The following NYAP2 variants were observed in gnomAD, a reference collection of about 807,000 sequenced individuals.
NYAP2 encodes the protein neuronal tyrosine-phosphorylated phosphoinositide-3-kinase adapter 2.
Under a neutral mutation model 50.4 loss-of-function variants are expected in NYAP2, and 23 were observed. That is an observed-to-expected ratio of 0.46 (90% confidence interval 0.33 to 0.65). The LOEUF (loss-of-function observed/expected upper bound fraction) is 0.65, where lower values mean the gene tolerates loss of function less well. NYAP2 is among the 30% of genes least tolerant of loss of function. The pLI is 0.02. For missense variants in NYAP2, 885 were observed against 861.0 expected, an observed-to-expected ratio of 1.03 and a Z score of -0.35; for synonymous variants, 394 against 365.2, an observed-to-expected ratio of 1.08 and a Z score of -0.90.
chr2:225,672,293 C>T, the NYAP2 span, among the ~76,000 whole-genome samples: 2 of 152,150 alleles, frequency 1.3e-5, no homozygotes, highest in Non-Finnish European at 2.9e-5. Context: ...CTTCACCTTA[C>T]ACTTTTATGT....
At chr2:225,654,215 C>A (rs1225988104), downstream of NYAP2, among the ~76,000 whole-genome samples, 1 of 151,988 alleles carries the variant, frequency 6.6e-6, no homozygotes, top group East Asian at 1.9e-4. Context: ...ACTACTCATA[C>A]CTAAACAAGG....
At chr2:225,554,120 C>T (rs1236837816) in intron 4 of NYAP2, among the ~76,000 whole-genome samples, 1 of 151,968 alleles carries the variant, frequency 6.6e-6, no homozygotes, top group Non-Finnish European at 1.5e-5. Context: ...AATCCTTTTA[C>T]ATACCAGTAT....
chr2:225,649,807 A>G (rs1314868062), intron 6 of NYAP2, among the ~76,000 whole-genome samples: 1 of 152,234 alleles, frequency 6.6e-6, no homozygotes, highest in African/African-American at 2.4e-5. Context: ...CGAATGTTGA[A>G]TAAGTGACTA....
chr2:225,448,893 G>T (rs1300994787), intron 3 of NYAP2, among the ~76,000 whole-genome samples: 2 of 152,146 alleles, frequency 1.3e-5, no homozygotes, highest in Non-Finnish European at 2.9e-5. Flanking sequence ...TGTATATTCA[G>T]ATCTGCACCA....
At chr2:225,575,846 T>TA (rs1401119567) in intron 4 of NYAP2, among the ~76,000 whole-genome samples, 9 of 152,224 alleles carry the variant, frequency 5.9e-5, no homozygotes. Flanking sequence ...TCATGACCTA[T>TA]AAGAAATGTG....
chr2:225,594,460 TCA>T (rs928406669), intron 5 of NYAP2, among the ~76,000 whole-genome samples: 4 of 151,724 alleles, frequency 2.6e-5, no homozygotes, highest in Non-Finnish European at 5.9e-5. Flanking sequence ...GGGGCAGAGG[TCA>T]CAGTGAGCCG....
chr2:225,464,567 A>C (rs1559187000), intron 3 of NYAP2, among the ~76,000 whole-genome samples: 1 of 152,208 alleles, frequency 6.6e-6, no homozygotes, highest in Non-Finnish European at 1.5e-5. Flanking sequence ...GAGCCTGCTC[A>C]CTTCCCGGCC....
chr2:225,515,468 C>CGT (rs1690912604), intron 4 of NYAP2, among the ~76,000 whole-genome samples: 1 of 148,480 alleles, frequency 6.7e-6, no homozygotes, highest in Non-Finnish European at 1.5e-5. Flanking sequence ...AATGAACATT[C>CGT]ATGTGTGTGT....
chr2:225,405,001 C>G (rs1280092385), intron 2 of NYAP2, among the ~76,000 whole-genome samples: 1 of 152,018 alleles, frequency 6.6e-6, no homozygotes, highest in African/African-American at 2.4e-5. Context: ...TGTTGCACTA[C>G]TTGTATCAAC....
chr2:225,620,880 C>T (rs1244525498), intron 5 of NYAP2, among the ~76,000 whole-genome samples: 1 of 152,054 alleles, frequency 6.6e-6, no homozygotes, highest in East Asian at 1.9e-4. Flanking sequence ...CTTTGGGAGG[C>T]CAAGGTGGGT....
chr2:225,590,155 C>T (rs998136859), intron 5 of NYAP2, among the ~76,000 whole-genome samples: 4 of 152,180 alleles, frequency 2.6e-5, no homozygotes, highest in African/African-American at 9.7e-5. Context: ...AACCCCTTTT[C>T]GGGTCTCCTG....
intron 3 of NYAP2, among the ~76,000 whole-genome samples, chr2:225,410,660 G>C (rs1695022991): frequency 6.6e-6 from 1 of 151,924 alleles, no homozygotes; most frequent in South Asian, 2.1e-4. Context: ...CATTCCATTA[G>C]CTTTTACAGA....
rs143012901 is a variant in NYAP2, at chr2:225,570,338, T to C, written c.524-11603T>C. On this transcript the variant is annotated intron_variant, in intron 4 of 6. Transcript: ENST00000636099. Reference sequence around the variant, plus strand: ...AAGAGATGGGTACATAGAACTAGAATCCCACTTTGCTCTTTTTCTAATAAG... The same window carrying C: ...AAGAGATGGGTACATAGAACTAGAACCCCACTTTGCTCTTTTTCTAATAAG... 8.5e-5 allele frequency among the ~76,000 whole-genome samples: 13 copies of C among 152,334 alleles called. No homozygotes were observed. In the East Asian group the frequency reaches 2.5e-3, roughly 29 times the overall value.
Position 225,519,225 on chromosome 2 carries a change from T to C in NYAP2, c.523+5553T>C, listed in dbSNP as rs190959164. On this transcript the variant is annotated intron_variant, in intron 4 of 6. Transcript: ENST00000636099. ...ATCTTTTAATAATATGATATTAACA[T>C]AGTATTTAGTATAAAGAATATTTTA... Among the ~76,000 whole-genome samples, 40 of 151,994 alleles carry C rather than the reference T, an allele frequency of 2.6e-4. No individual in the cohort carries two copies. The South Asian group carries it at 5.4e-3, about 20-fold the overall frequency.
chr2:225,522,515 A>T (rs1168573257), intron 4 of NYAP2, among the ~76,000 whole-genome samples: 1 of 152,170 alleles, frequency 6.6e-6, no homozygotes. Flanking sequence ...GAAGTTTGTT[A>T]TAAGTCACTG....
intron 3 of NYAP2, among the ~76,000 whole-genome samples, chr2:225,498,894 A>C (rs1690552549): frequency 6.6e-6 from 1 of 152,196 alleles, no homozygotes; most frequent in South Asian, 2.1e-4. Flanking sequence ...GGAACATGCT[A>C]ATCTTGGGTG....
At chr2:225,648,161 C>T (rs888604841) in intron 6 of NYAP2, among the ~76,000 whole-genome samples, 4 of 152,100 alleles carry the variant, frequency 2.6e-5, no homozygotes, top group African/African-American at 9.6e-5. Flanking sequence ...CCACCACGCC[C>T]AGCAAATTTT....
intron 3 of NYAP2, among the ~76,000 whole-genome samples, chr2:225,462,208 T>C (rs1452930063): frequency 6.6e-6 from 1 of 152,210 alleles, no homozygotes; most frequent in Non-Finnish European, 1.5e-5. Context: ...TTTCTGTAAA[T>C]ATTTCTAAAT....
the NYAP2 span, among the ~76,000 whole-genome samples, chr2:225,675,208 G>T: frequency 3.7e-4 from 56 of 152,132 alleles, no homozygotes; most frequent in African/African-American, 1.3e-3. Flanking sequence ...AATTGCCGAT[G>T]CCGAGGCTTG....
Sources: allele counts gnomAD v4.1 joint callset (sites outside exome capture counted in the v4.1 genomes callset), GRCh38; gene constraint gnomAD v4.1.1; transcripts MANE v1.5; gene names NCBI Gene and HGNC (gene_info 2026-07-23, HGNC 2026-07-21).